The following SMPX variants were observed in gnomAD, a reference collection of about 807,000 sequenced individuals.
The protein encoded by SMPX is small muscular protein.
A neutral mutation model predicts 6.3 loss-of-function variants in SMPX; 2 were observed. The ratio of observed to expected loss-of-function variants is 0.32; its 90% CI spans 0.13 to 0.99. The LOEUF (loss-of-function observed/expected upper bound fraction) is 0.99. Among genes scored for constraint, SMPX ranks in the 50% least tolerant of loss-of-function variants. The pLI is 0.49. For synonymous variants in SMPX, 32 were observed against 24.7 expected (o/e 1.30, Z -0.88); for missense variants, 60 against 66.8 (o/e 0.90, Z 0.36).
At chrX:21,715,320 G>GCGCA (rs1303557779) in intron 4 of SMPX, among the ~76,000 whole-genome samples, 2 of 109,022 alleles carry the variant, frequency 1.8e-5, no homozygotes, top group African/African-American at 6.9e-5. Flanking sequence ...ACGCGCGCGC[G>GCGCA]CTCGCGCGCT....
intron 2 of SMPX, among the ~76,000 whole-genome samples, chrX:21,749,806 C>T (rs2092825526): frequency 8.9e-6 from 1 of 112,105 alleles, no homozygotes; most frequent in South Asian, 3.7e-4. Flanking sequence ...CACAGACTTA[C>T]AAGCTGGACA....
intron 2 of SMPX, among the ~76,000 whole-genome samples, chrX:21,753,592 A>T (rs2092829712): frequency 8.9e-6 from 1 of 112,224 alleles, no homozygotes; most frequent in African/African-American, 3.2e-5. Flanking sequence ...GCCATTTGAG[A>T]GTCAAATACA....
At chrX:21,731,658 G>A (rs1395967434) in intron 4 of SMPX, among the ~76,000 whole-genome samples, 1 of 97,390 alleles carries the variant, frequency 1.0e-5, no homozygotes, top group Admixed American at 1.1e-4. Flanking sequence ...ACATAAGTGT[G>A]TATGTGTATG....
intron 4 of SMPX, among the ~76,000 whole-genome samples, chrX:21,730,770 AT>A (rs754829363): frequency 2.5e-3 from 280 of 111,979 alleles, no homozygotes; most frequent in African/African-American, 8.3e-3. Context: ...CTGGGCAATC[AT>A]TTTTTATTTC....
At chrX:21,716,411 C>T (rs1316020058) in intron 4 of SMPX, among the ~76,000 whole-genome samples, 1 of 112,184 alleles carries the variant, frequency 8.9e-6, no homozygotes, top group African/African-American at 3.2e-5. Context: ...ACTCTGCCTT[C>T]AAACCCAGCT....
At chrX:21,727,025 C>T (rs906443632) in intron 4 of SMPX, among the ~76,000 whole-genome samples, 5 of 112,545 alleles carry the variant, frequency 4.4e-5, no homozygotes, top group Non-Finnish European at 7.5e-5. Flanking sequence ...TCCCCTCTCA[C>T]ATCCTTACCC....
intron 2 of SMPX, among the ~76,000 whole-genome samples, chrX:21,751,321 A>G (rs1462667838): frequency 8.9e-6 from 1 of 112,262 alleles, no homozygotes; most frequent in Non-Finnish European, 1.9e-5. Flanking sequence ...ATCCCATAAA[A>G]CTAGTATTCC....
At chrX:21,709,405 A>G (rs916623288) in intron 4 of SMPX, among the ~76,000 whole-genome samples, 1 of 111,993 alleles carries the variant, frequency 8.9e-6, no homozygotes, top group Non-Finnish European at 1.9e-5. Context: ...CTCACTCCTC[A>G]TGTTTCCCAC....
At chrX:21,757,892 G>A (rs1347934543) in intron 1 of SMPX, 50 bp downstream of exon 1, 1 of 323,729 alleles carries the variant, frequency 3.1e-6, no homozygotes, top group East Asian at 9.8e-5. Flanking sequence ...AGGTATCAAG[G>A]AAATTTCCTT....
intron 3 of SMPX, among the ~76,000 whole-genome samples, chrX:21,742,217 T>A (rs1004205542): frequency 2.6e-4 from 29 of 111,926 alleles, no homozygotes; most frequent in African/African-American, 9.4e-4. Flanking sequence ...AAAAATCTAA[T>A]TACAGATAAA....
At chrX:21,743,858 GT>G in intron 2 of SMPX, 22 bp from the exon 3 acceptor site, 1 of 1,118,736 alleles carries the variant, frequency 8.9e-7, no homozygotes, top group Non-Finnish European at 1.2e-6. Context: ...AACAGGGTAG[GT>G]TTAGCTCAAA....
intron 4 of SMPX, among the ~76,000 whole-genome samples, chrX:21,719,838 G>C (rs1010117951): frequency 9.8e-5 from 11 of 112,244 alleles, no homozygotes; most frequent in Non-Finnish European, 1.9e-4. Flanking sequence ...AGAGAAACTG[G>C]CTTCACATTT....
In SMPX at chrX:21,715,262, C is replaced by CTGTGTGTG. The variant is rs34947234; in HGVS notation, c.*15-8876_*15-8869dup. Among the ~76,000 whole-genome samples, 663 of 94,596 alleles carry CTGTGTGTG rather than the reference C, an allele frequency of 7.0e-3. 15 individuals are homozygous for CTGTGTGTG. The highest frequency in any genetic ancestry group is 0.055 in the Admixed American group (477 of 8,648). 82.1% of individuals were successfully genotyped at this position (94,596 alleles called of 115,157 possible). A position where few individuals can be genotyped will look rare whatever the true frequency, so the allele number is the denominator to read the frequency against. On this transcript the variant is annotated intron_variant, in intron 4 of 4. Transcript: ENST00000379494. Reference sequence around the variant, plus strand: ...ATAGGCTGTTGTAACTCACTCTGCTCTGTGTGTGTGTGTGTGTGTGTGTGT... The same window carrying CTGTGTGTG: ...ATAGGCTGTTGTAACTCACTCTGCTCTGTGTGTGTGTGTGTGTGTGTGTGTGTGTGTGT...
At chrX:21,713,632 A>G (rs886170408) in intron 4 of SMPX, among the ~76,000 whole-genome samples, 3 of 111,427 alleles carry the variant, frequency 2.7e-5, no homozygotes, top group African/African-American at 9.8e-5. Context: ...TATCACGAGA[A>G]CAACATGAGA....
intron 4 of SMPX, among the ~76,000 whole-genome samples, chrX:21,737,262 T>C (rs1204789229): frequency 1.8e-5 from 2 of 111,409 alleles, no homozygotes; most frequent in Non-Finnish European, 1.9e-5. Flanking sequence ...CTCAAGGCCT[T>C]TTCCCAAGCA....
chrX:21,737,686 G>A lies in SMPX; in HGVS notation c.144C>T (p.Pro48=), dbSNP rs972853891. The change falls in exon 4 of 5, where the codon CCC becomes CCT. Residue 48 remains proline (P), a synonymous_variant. Coordinates refer to ENST00000379494, the MANE Select transcript of SMPX (RefSeq NM_014332.3). Reference sequence around the variant, plus strand: ...TTGGCTTCTTCTCCTCATCCGAGGTGGGAGGAACACCCTGAAGAGCAAGGA... The same window carrying A: ...TTGGCTTCTTCTCCTCATCCGAGGTAGGAGGAACACCCTGAAGAGCAAGGA... ...CTPEVEEGVP[P]TSDEEKKPIP... is the part of the protein sequence containing the mutation. 6 of 1,210,416 alleles carry A rather than the reference G, an allele frequency of 5.0e-6. No homozygotes were observed. The highest frequency in any genetic ancestry group is 6.7e-6 in the Non-Finnish European group (6 of 894,299).
intron 3 of SMPX, among the ~76,000 whole-genome samples, chrX:21,742,975 A>T: frequency 8.9e-6 from 1 of 112,366 alleles, no homozygotes; most frequent in Non-Finnish European, 1.9e-5. Context: ...TTTTTTGAGA[A>T]TCAGACCTTC....
Position 21,737,674 on chromosome X carries a change from C to T in SMPX, c.156G>A (p.Glu52=), listed in dbSNP as rs1213014568. 8 of 1,210,869 alleles carry T rather than the reference C, an allele frequency of 6.6e-6. No homozygotes were observed. In the South Asian group the frequency reaches 1.2e-4, roughly 19 times the overall value. Residue 52 remains glutamate, a synonymous_variant, in exon 4 of 5, where the codon GAG becomes GAA. Transcript: ENST00000379494. ...TCGCTCCTGGAATTGGCTTCTTCTC[C>T]TCATCCGAGGTGGGAGGAACACCCT... is the stretch of plus-strand genomic sequence containing the variant. ...VEEGVPPTSD[E]EKKPIPGAKK...
intron 2 of SMPX, among the ~76,000 whole-genome samples, chrX:21,752,519 T>G (rs1290714828): frequency 9.0e-6 from 1 of 110,774 alleles, no homozygotes; most frequent in Non-Finnish European, 1.9e-5. Flanking sequence ...TTGTTTGTTT[T>G]TTGGTTTTTT....
Sources: allele counts gnomAD v4.1 joint callset (sites outside exome capture counted in the v4.1 genomes callset), GRCh38; gene constraint gnomAD v4.1.1; transcripts MANE v1.5; gene names NCBI Gene and HGNC (gene_info 2026-07-23, HGNC 2026-07-21).